ZNF561: variants seen among roughly 807,000 people sequenced by gnomAD.
The protein encoded by ZNF561 is zinc finger protein 561.
Under a neutral mutation model 16.7 loss-of-function variants are expected in ZNF561, and 16 were observed. That is an observed-to-expected ratio of 0.96 (90% CI 0.65 to 1.45). The LOEUF (loss-of-function observed/expected upper bound fraction) is 1.45. Ranked by LOEUF, ZNF561 falls within the 40% of genes most tolerant of loss-of-function variation. ZNF561 has a pLI of 0.00. For missense variants in ZNF561, 580 were observed against 578.0 expected (o/e 1.00, Z -0.04); for synonymous variants, 190 against 192.1 (o/e 0.99, Z 0.09).
At chr19:9,611,997 G>A (rs541985653) in intron 5 of ZNF561, among the ~76,000 whole-genome samples, 5 of 151,578 alleles carry the variant, frequency 3.3e-5, no homozygotes, top group East Asian at 2.0e-4. Flanking sequence ...GCATGATTTC[G>A]GCTCGTTGCA....
At chr19:9,611,387 A>T in intron 5 of ZNF561, 51 bp from the exon 6 acceptor site, 1 of 1,531,636 alleles carries the variant, frequency 6.5e-7, no homozygotes, top group Non-Finnish European at 8.8e-7. Context: ...ATATTAAGAG[A>T]TTTCACCCAT....
At position 9,608,198 on chromosome 19, in the gene ZNF561, G is replaced by A. The variant is rs985467789; in HGVS notation, c.*2002C>T. On this transcript the variant is annotated 3_prime_UTR_variant, in exon 6 of 6. Coordinates refer to ENST00000302851, the MANE Select transcript of ZNF561 (RefSeq NM_152289.3). ...AAAATAGGCTCTTTAGAAGTATCGTGAAATGATGTCAAGAGATGGGTAGGG... is the reference window on the plus strand; with the variant it reads ...AAAATAGGCTCTTTAGAAGTATCGTAAAATGATGTCAAGAGATGGGTAGGG... 7.1e-6 allele frequency: 1 copy of A among 141,008 alleles called. No individual in the cohort carries two copies. Among genetic ancestry groups the A allele is most frequent in the African/African-American group, 2.5e-5 (1 of 39,240 alleles). The allele number at this position is 141,008 out of a possible 1,614,324, so 8.7% of individuals were successfully genotyped here.
chr19:9,620,468 C>T (rs2074651018), intron 1 of ZNF561, among the ~76,000 whole-genome samples: 1 of 152,104 alleles, frequency 6.6e-6, no homozygotes, highest in Non-Finnish European at 1.5e-5. Context: ...TCAAACAATC[C>T]TCCTGACTTG....
At chr19:9,612,761 A>G (rs2074484116) in intron 5 of ZNF561, among the ~76,000 whole-genome samples, 1 of 152,124 alleles carries the variant, frequency 6.6e-6, no homozygotes, top group East Asian at 1.9e-4. Context: ...ACTGGCTCTA[A>G]TTGTTCAAAA....
rs2074592411 is a variant in ZNF561, at chr19:9,618,135, T to C, written c.70A>G (p.Lys24Glu). The change falls in exon 3 of 6, where the codon AAG becomes GAG. Residue 24 changes from lysine (K) to glutamate (E), a missense_variant. Physicochemically the swap from Lys to Glu is moderately conservative, Grantham distance 56. Coordinates refer to ENST00000302851, the MANE Select transcript of ZNF561 (RefSeq NM_152289.3). ...TAGTCCTCCACCATCCTTTCTACCT[T>C]TGTCTTTTCTTCAAAAGGGCAGATT... Reference protein sequence around the residue: ...EPICPFEEKTKVERMVEDYLA... With the variant: ...EPICPFEEKTEVERMVEDYLA... 3.9e-6 allele frequency: 6 copies of C among 1,551,258 alleles called. No individual in the cohort carries two copies. Among genetic ancestry groups the C allele is most frequent in the Non-Finnish European group, 5.2e-6 (6 of 1,146,744 alleles).
In ZNF561 at chr19:9,614,014, A is replaced by G; in HGVS notation, c.324+7T>C. The G allele has an allele frequency of 6.2e-7, 1 of 1,612,824 alleles. No individual in the cohort carries two copies. Among genetic ancestry groups the G allele is most frequent in the South Asian group, 1.1e-5 (1 of 91,006 alleles). ...GGAAATTAAGAAATATCCCTCATGA[A>G]TCTTACCATTTGTATCCCACTGAAT... On this transcript the variant is annotated splice_region_variant and intron_variant, in intron 5 of 5. Transcript: ENST00000302851.
intron 1 of ZNF561, among the ~76,000 whole-genome samples, chr19:9,619,873 A>ATATT (rs2074630738): frequency 2.2e-5 from 2 of 90,740 alleles, no homozygotes; most frequent in Non-Finnish European, 4.9e-5. Flanking sequence ...TTATCTATCT[A>ATATT]TATCTATCTA....
intron 4 of ZNF561, 168 bp downstream of exon 4, chr19:9,616,877 A>T (rs1380545692): frequency 4.8e-6 from 4 of 838,406 alleles, no homozygotes; most frequent in Non-Finnish European, 6.9e-6. Context: ...TACAGGCATG[A>T]GCCACTGCGC....
chr19:9,611,297 T>A lies in ZNF561; in HGVS notation c.364A>T (p.Asn122Tyr). Residue 122 changes from asparagine (N) to tyrosine (Y), a missense_variant, in exon 6 of 6, where the codon AAT (asparagine) becomes TAT (tyrosine). Physicochemically the swap from Asn to Tyr is moderately radical, Grantham distance 143. Transcript: ENST00000302851. ...TGTTCCCTGAAGACCTCTCCACAAT[T>A]CTTACAGTCACAGAGTTTCCATCCA... ...YSGWKLCDCKNCGEVFREQFC... is the reference protein window; with the variant it reads ...YSGWKLCDCKYCGEVFREQFC... 1 of 1,613,680 alleles carries A rather than the reference T, an allele frequency of 6.2e-7. No homozygotes were observed. The highest frequency in any genetic ancestry group is 8.5e-7 in the Non-Finnish European group (1 of 1,179,600).
In ZNF561 at chr19:9,619,506, A is replaced by G. The variant is rs773170966; in HGVS notation, c.-50T>C. On this transcript the variant is annotated 5_prime_UTR_variant, in exon 2 of 6. Coordinates refer to ENST00000302851, the MANE Select transcript of ZNF561 (RefSeq NM_152289.3). ...TGTGCATCCCTTCCTTGATGCCAAG[A>G]TCACCTCAGGCCAGCTTATGAATCT... 1.3e-5 allele frequency: 21 copies of G among 1,607,484 alleles called. No homozygotes were observed. In the East Asian group the frequency reaches 4.7e-4, roughly 36 times the overall value.
rs1360744290 is a variant in ZNF561, at chr19:9,608,218, G to T, written c.*1982C>A. 3.5e-5 allele frequency: 5 copies of T among 144,248 alleles called. No individual in the cohort carries two copies. The allele number at this position is 144,248 out of a possible 1,614,324, so 8.9% of individuals were successfully genotyped here. ...ATCGTGAAATGATGTCAAGAGATGG[G>T]TAGGGGGAGGGAGGGGGAGGGAGGG... is the stretch of plus-strand genomic sequence containing the variant. On this transcript the variant is annotated 3_prime_UTR_variant, in exon 6 of 6. Coordinates refer to ENST00000302851, the MANE Select transcript of ZNF561 (RefSeq NM_152289.3).
chr19:9,619,888 T>TATATCTATCTAC (rs2074632852), intron 1 of ZNF561, among the ~76,000 whole-genome samples: 1 of 114,946 alleles, frequency 8.7e-6, no homozygotes, highest in South Asian at 2.6e-4. Flanking sequence ...TATCTATCTA[T>TATATCTATCTAC]ATATCTATCT....
At chr19:9,618,759 A>G (rs1387660153) in intron 2 of ZNF561, among the ~76,000 whole-genome samples, 1 of 151,650 alleles carries the variant, frequency 6.6e-6, no homozygotes, top group Non-Finnish European at 1.5e-5. Flanking sequence ...ATCTGCCCAT[A>G]GTAGTAACAC....
rs58824384 is a variant in ZNF561, at chr19:9,616,225, T to A, written c.241+820A>T. Among the ~76,000 whole-genome samples, 567 of 152,342 alleles carry A rather than the reference T, an allele frequency of 3.7e-3. 3 individuals are homozygous for A. The highest frequency in any genetic ancestry group is 0.013 in the African/African-American group (542 of 41,576). Reference sequence around the variant, plus strand: ...TTTTCAGAATTGACAAGCAAGCATGTAACATACATCTGCCCTATAACAGGC... The same window carrying A: ...TTTTCAGAATTGACAAGCAAGCATGAAACATACATCTGCCCTATAACAGGC... On this transcript the variant is annotated intron_variant, in intron 4 of 5. Transcript: ENST00000302851.
intron 3 of ZNF561, 156 bp from the exon 4 acceptor site, chr19:9,617,327 A>G (rs2074573645): frequency 7.7e-7 from 1 of 1,303,406 alleles, no homozygotes; most frequent in South Asian, 2.9e-5. Context: ...TCTTGTGTCT[A>G]AACACTCAAG....
intron 4 of ZNF561, 53 bp from the exon 5 acceptor site, chr19:9,614,156 T>C (rs2144885489): frequency 6.3e-7 from 1 of 1,584,134 alleles, no homozygotes; most frequent in African/African-American, 1.4e-5. Context: ...AATATTCATT[T>C]AAAATGAGTC....
rs775979243 is a variant in ZNF561, at chr19:9,610,708, A to C, written c.953T>G (p.Phe318Cys). The C allele has an allele frequency of 3.7e-6, 6 of 1,614,160 alleles. No homozygotes were observed. The Admixed American group carries it at 1.0e-4, about 27-fold the overall frequency. Residue 318 changes from phenylalanine (F) to cysteine (C), a missense_variant, in exon 6 of 6, where the codon TTC becomes TGC. Phe to Cys is a radical substitution (Grantham distance 205). Coordinates refer to ENST00000302851, the MANE Select transcript of ZNF561 (RefSeq NM_152289.3). ...TTCAGTAAGTTGAGTTGATCTAGTG[A>C]AGGCTTTCCCACAGTAAGTACACTT... ...PHKCTYCGKA[F>C]TRSTQLTEHV... is the part of the protein sequence containing the mutation.
rs551887899 is a variant in ZNF561 at position 9,607,352 on chromosome 19, A to G, written c.*2848T>C. The G allele has an allele frequency of 4.9e-4, 75 of 152,316 alleles. No homozygotes were observed. Among genetic ancestry groups the G allele is most frequent in the African/African-American group, 1.7e-3 (72 of 41,566 alleles). The allele number at this position is 152,316 out of a possible 1,614,324, so 9.4% of individuals were successfully genotyped here. A position where few individuals can be genotyped will look rare whatever the true frequency, so the allele number is the denominator to read the frequency against. ...CATTTCATTGAAGTATTTATTACAT[A>G]CCATCATTGGCCAGGAACAGTTCTA... On this transcript the variant is annotated 3_prime_UTR_variant, in exon 6 of 6. Transcript: ENST00000302851.
Position 9,608,083 on chromosome 19 carries a change from G to C in ZNF561, c.*2117C>G, listed in dbSNP as rs1371439770. ...AGACAGGGTTTCACCGTGTTAACTAGGACAGTCTCGATCTCCTGACCTCGT... is the reference window on the plus strand; with the variant it reads ...AGACAGGGTTTCACCGTGTTAACTACGACAGTCTCGATCTCCTGACCTCGT... On this transcript the variant is annotated 3_prime_UTR_variant, in exon 6 of 6. Coordinates refer to ENST00000302851, the MANE Select transcript of ZNF561 (RefSeq NM_152289.3). The C allele has an allele frequency of 6.6e-6, 1 of 152,200 alleles. No individual in the cohort carries two copies. The highest frequency in any genetic ancestry group is 2.4e-5 in the African/African-American group (1 of 41,430). The allele number at this position is 152,200 out of a possible 1,614,324, so 9.4% of individuals were successfully genotyped here.
Sources: gnomAD v4.1 joint callset for allele counts (sites outside exome capture counted in the v4.1 genomes callset) on GRCh38, gnomAD v4.1.1 for gene constraint, MANE v1.5 for transcripts, NCBI Gene and HGNC (gene_info 2026-07-23, HGNC 2026-07-21) for gene names.